DCAF8: variants seen among roughly 807,000 people sequenced by gnomAD.
DCAF8 encodes DDB1- and CUL4-associated factor 8.
A neutral mutation model predicts 68.0 loss-of-function variants in DCAF8; 20 were observed. That is an observed-to-expected ratio of 0.29 (90% CI 0.21 to 0.43). DCAF8 has a LOEUF of 0.43. Among genes scored for constraint, DCAF8 ranks in the 20% least tolerant of loss-of-function variants. The pLI, the probability that DCAF8 is intolerant of heterozygous loss-of-function variation, is 1.00. For missense variants in DCAF8, 460 were observed against 771.0 expected, an observed-to-expected ratio of 0.60 and a Z score of 4.78; for synonymous variants, 230 against 276.9, an observed-to-expected ratio of 0.83 and a Z score of 1.68.
rs1220080385 is a variant in DCAF8 at position 160,216,794 on chromosome 1, G to C, written c.*798C>G. On this transcript the variant is annotated 3_prime_UTR_variant, in exon 14 of 14. Transcript: ENST00000368074. ...GATATAAAATTAGGCCTCTAACAGT[G>C]ATAGGGACAGGGAGATTGCTGCCAC... is the stretch of plus-strand genomic sequence containing the variant. The C allele has an allele frequency of 1.3e-5, 2 of 152,580 alleles. No homozygotes were observed. The highest frequency in any genetic ancestry group is 2.9e-5 in the Non-Finnish European group (2 of 68,032). The allele number at this position is 152,580 out of a possible 1,614,324, so 9.5% of individuals were successfully genotyped here.
chr1:160,226,761 T>G (rs1233089645), intron 7 of DCAF8, among the ~76,000 whole-genome samples: 1 of 152,240 alleles, frequency 6.6e-6, no homozygotes, highest in Non-Finnish European at 1.5e-5. Context: ...ACTTTCTTAC[T>G]TCCTATTCAC....
intron 4 of DCAF8, 111 bp downstream of exon 4, chr1:160,239,586 G>C (rs778282117): frequency 3.1e-6 from 5 of 1,607,262 alleles, no homozygotes; most frequent in Admixed American, 1.7e-5. Context: ...GCCATGTCCC[G>C]ATATGTAATT....
At chr1:160,238,784 G>C in intron 4 of DCAF8, 37 bp from the exon 5 acceptor site, 1 of 1,561,032 alleles carries the variant, frequency 6.4e-7, no homozygotes, top group Non-Finnish European at 8.7e-7. Context: ...ACACACAAAA[G>C]AAATGAGAGA....
intron 10 of DCAF8, among the ~76,000 whole-genome samples, chr1:160,223,865 G>A (rs1397094913): frequency 6.6e-6 from 1 of 152,162 alleles, no homozygotes; most frequent in Non-Finnish European, 1.5e-5. Flanking sequence ...AGGCTGCAGT[G>A]AGCCATAATT....
intron 2 of DCAF8, among the ~76,000 whole-genome samples, chr1:160,251,613 C>G (rs1466136032): frequency 1.3e-5 from 2 of 152,160 alleles, no homozygotes; most frequent in Non-Finnish European, 1.5e-5. Flanking sequence ...GCTGGGACTA[C>G]AGGTGCATAC....
rs1655409338 is a variant in DCAF8 at position 160,224,673 on chromosome 1, T to C, written c.1202-124A>G. 2.4e-5 allele frequency: 17 copies of C among 721,646 alleles called. 1 individual carries two copies. The South Asian group carries it at 2.8e-4, about 12-fold the overall frequency. 44.7% of individuals were successfully genotyped at this position (721,646 alleles called of 1,614,324 possible). A position where few individuals can be genotyped will look rare whatever the true frequency, so the allele number is the denominator to read the frequency against. ...TCCAAATACCCAGGTGTAGCACCCA[T>C]CTTATTTGGAACACCAGGCAAGTCC... On this transcript the variant is annotated intron_variant, in intron 9 of 13. Coordinates refer to ENST00000368074, the MANE Select transcript of DCAF8 (RefSeq NM_015726.4).
intron 7 of DCAF8, among the ~76,000 whole-genome samples, chr1:160,227,077 A>T (rs1357190746): frequency 6.6e-6 from 1 of 152,232 alleles, no homozygotes; most frequent in Non-Finnish European, 1.5e-5. Flanking sequence ...AATGCACATA[A>T]GCATACTTTC....
intron 5 of DCAF8, 43 bp from the exon 6 acceptor site, chr1:160,237,272 A>T (rs1433075977): frequency 7.3e-7 from 1 of 1,369,048 alleles, no homozygotes; most frequent in Non-Finnish European, 1.0e-6. Context: ...TAAATATTAG[A>T]ATTAGAGGTC....
chr1:160,228,147 G>A (rs1048998932), intron 7 of DCAF8, among the ~76,000 whole-genome samples: 1 of 144,516 alleles, frequency 6.9e-6, no homozygotes, highest in African/African-American at 2.6e-5. Context: ...AGTTGGCCTT[G>A]AACTTCTGAC....
chr1:160,239,507 A>G, intron 4 of DCAF8, 190 bp downstream of exon 4: 1 of 1,492,376 alleles, frequency 6.7e-7, no homozygotes, highest in Non-Finnish European at 8.9e-7. Flanking sequence ...AACAGTCCAC[A>G]TGCTCAAGGA....
Position 160,235,227 on chromosome 1 carries a change from G to A in DCAF8, c.959+1908C>T, listed in dbSNP as rs567650177. Among the ~76,000 whole-genome samples, 613 of 150,288 alleles carry A rather than the reference G, an allele frequency of 4.1e-3. 7 individuals carry two copies. Among genetic ancestry groups the A allele is most frequent in the African/African-American group, 0.014 (579 of 40,258 alleles). ...CAGCTCACTGCAACCTCCACCTCCT[G>A]GGCTCAAGCGATTCTCCTGTCTCAG... On this transcript the variant is annotated intron_variant, in intron 6 of 13. Transcript: ENST00000368074.
At chr1:160,236,195 T>A (rs1222458343) in intron 6 of DCAF8, among the ~76,000 whole-genome samples, 1 of 151,998 alleles carries the variant, frequency 6.6e-6, no homozygotes, top group East Asian at 1.9e-4. Flanking sequence ...AAAATAATTA[T>A]AATTATAAGC....
intron 5 of DCAF8, among the ~76,000 whole-genome samples, chr1:160,238,195 T>G (rs1655960174): frequency 6.6e-6 from 1 of 152,228 alleles, no homozygotes; most frequent in Non-Finnish European, 1.5e-5. Flanking sequence ...AAATAGGGCT[T>G]CCAGAAACAG....
rs1326385302 is a variant in DCAF8, at chr1:160,246,038, T to C, written c.-26-2004A>G. Among the ~76,000 whole-genome samples the C allele has an allele frequency of 2.0e-5, 3 of 151,410 alleles. No individual in the cohort carries two copies. In the East Asian group the frequency reaches 5.8e-4, roughly 29 times the overall value. On this transcript the variant is annotated intron_variant, in intron 2 of 13. Transcript: ENST00000368074. The stretch of plus-strand genomic sequence containing the variant: ...CTGTAATCCCAGCTACTAGGGAGGG[T>C]GAGGCAGGGGAATTGCTTGAACCTG...
chr1:160,256,752 G>T (rs1656851457), intron 2 of DCAF8, among the ~76,000 whole-genome samples: 1 of 152,186 alleles, frequency 6.6e-6, no homozygotes, highest in Non-Finnish European at 1.5e-5. Flanking sequence ...TGACATCTTT[G>T]TCATATTAAT....
intron 1 of DCAF8, chr1:160,262,076 G>A: frequency 2.8e-6 from 1 of 354,088 alleles, no homozygotes. Flanking sequence ...GCGTCCCTGT[G>A]AACTGTGCGG....
rs750873162 is a variant in DCAF8 at position 160,239,710 on chromosome 1, C to T, written c.710G>A (p.Ser237Asn). ...PVLDFESGHK[S>N]NVFQAKFLPN... ...CCCTTGCCTCACCTGGAACACATTA[C>T]TTTTGTGGCCACTCTCAAAGTCCAG... The change falls in exon 4 of 14, where the codon AGT becomes AAT. Residue 237 changes from serine to asparagine, a missense_variant. By Grantham distance (46) the Ser-to-Asn change is conservative. Coordinates refer to ENST00000368074, the MANE Select transcript of DCAF8 (RefSeq NM_015726.4). 3 of 1,614,134 alleles carry T rather than the reference C, an allele frequency of 1.9e-6. No homozygotes were observed. Among genetic ancestry groups the T allele is most frequent in the African/African-American group, 2.7e-5 (2 of 74,942 alleles).
At chr1:160,234,291 C>T (rs1655796776) in intron 6 of DCAF8, among the ~76,000 whole-genome samples, 1 of 151,670 alleles carries the variant, frequency 6.6e-6, no homozygotes, top group Admixed American at 6.6e-5. Flanking sequence ...CAGCTTTTCA[C>T]CCCATGCCAG....
intron 6 of DCAF8, among the ~76,000 whole-genome samples, chr1:160,235,480 T>A (rs573280407): frequency 2.6e-5 from 4 of 152,006 alleles, no homozygotes; most frequent in African/African-American, 9.7e-5. Flanking sequence ...TATCTATCAA[T>A]AAGGTAAAGG....
Sources: allele counts gnomAD v4.1 joint callset (sites outside exome capture counted in the v4.1 genomes callset), GRCh38; gene constraint gnomAD v4.1.1; transcripts MANE v1.5; gene names NCBI Gene and HGNC (gene_info 2026-07-23, HGNC 2026-07-21).